TLK1: variants seen among roughly 807,000 people sequenced by gnomAD.
TLK1 encodes tousled like kinase 1.
A neutral mutation model predicts 105.3 loss-of-function variants in TLK1; 24 were observed. The ratio of observed to expected loss-of-function variants is 0.23; its 90% confidence interval spans 0.17 to 0.32. The LOEUF is 0.32. Ranked by LOEUF, TLK1 falls within the 10% of genes least tolerant of loss-of-function variation. The pLI, the probability that TLK1 is intolerant of heterozygous loss-of-function variation, is 1.00. For synonymous variants in TLK1, 321 were observed against 310.4 expected (o/e 1.03, Z -0.36); for missense variants, 558 against 910.5 (o/e 0.61, Z 4.98).
chr2:171,110,449 C>A (rs114903381), intron 2 of TLK1, among the ~76,000 whole-genome samples: 4,084 of 152,224 alleles, frequency 0.027, 178 homozygotes, highest in African/African-American at 0.091. Context: ...AGTTGGGCGA[C>A]AGAGCAAGAC....
chr2:171,105,220 C>A (rs1689866865), intron 2 of TLK1, among the ~76,000 whole-genome samples: 1 of 152,124 alleles, frequency 6.6e-6, no homozygotes, highest in Admixed American at 6.5e-5. Context: ...ATACAACCTG[C>A]AAGAAAGTGA....
intron 11 of TLK1, among the ~76,000 whole-genome samples, chr2:171,032,919 T>C (rs1209806322): frequency 6.6e-6 from 1 of 151,928 alleles, no homozygotes; most frequent in Non-Finnish European, 1.5e-5. Context: ...TAGAAGACAA[T>C]ACAGGAGGCT....
At chr2:171,053,650 T>A in intron 8 of TLK1, 111 bp downstream of exon 8, 1 of 814,652 alleles carries the variant, frequency 1.2e-6, no homozygotes, top group Non-Finnish European at 1.9e-6. Flanking sequence ...CATGAGCCAC[T>A]GCGCCTGGCC....
rs56686274 is a variant in TLK1, at chr2:171,184,834, G to GTTTC, written c.-6+46310_-6+46311insGAAA. Among the ~76,000 whole-genome samples, 414 of 143,888 alleles carry GTTTC rather than the reference G, an allele frequency of 2.9e-3. 4 individuals are homozygous for GTTTC. Among genetic ancestry groups the GTTTC allele is most frequent in the African/African-American group, 0.011 (399 of 37,190 alleles). 94.4% of individuals were successfully genotyped at this position (143,888 alleles called of 152,430 possible). A position where few individuals can be genotyped will look rare whatever the true frequency, so the allele number is the denominator to read the frequency against. ...TCTCTTTTCACCATTTATAATTATG[G>GTTTC]TTGTTTGTTTGTTTGTTTGTTTGAG... On this transcript the variant is annotated intron_variant, in intron 1 of 20. Coordinates refer to the TLK1 transcript ENST00000521943.
chr2:171,156,180 G>A (rs1692225079), intron 1 of TLK1, among the ~76,000 whole-genome samples: 1 of 152,148 alleles, frequency 6.6e-6, no homozygotes, highest in Admixed American at 6.5e-5. Flanking sequence ...TCTACATGAA[G>A]CTGGATTCTC....
In TLK1 at chr2:171,113,271, CCTT is replaced by C. The variant is rs1690261872; in HGVS notation, c.258+4465_258+4467del. Among the ~76,000 whole-genome samples the C allele has an allele frequency of 7.3e-5, 11 of 150,978 alleles. No homozygotes were observed. The South Asian group carries it at 2.3e-3, about 32-fold the overall frequency. The stretch of plus-strand genomic sequence containing the variant: ...ATATACATGGCAACCACATACATAT[CCTT>C]TTTTTTTTTTTTTGAGACAGTGTCT... On this transcript the variant is annotated intron_variant, in intron 2 of 20. Coordinates refer to ENST00000431350, the MANE Select transcript of TLK1 (RefSeq NM_012290.5).
intron 1 of TLK1, among the ~76,000 whole-genome samples, chr2:171,221,168 C>T (rs1693803731): frequency 6.6e-6 from 1 of 152,152 alleles, no homozygotes; most frequent in African/African-American, 2.4e-5. Context: ...TCATAGTTAT[C>T]CTTTATTTTC....
intron 1 of TLK1, among the ~76,000 whole-genome samples, chr2:171,135,631 T>C (rs1691286053): frequency 6.6e-6 from 1 of 151,890 alleles, no homozygotes; most frequent in South Asian, 2.1e-4. Flanking sequence ...TAAAACCCCA[T>C]CTCTACTAAA....
rs117167469 is a variant in TLK1, at chr2:171,095,645, T to C, written c.259-12793A>G. ...AGGATCATCATACACCAAGATCAAC[T>C]GAAACTTATTCCTGAAATGCAAGGG... On this transcript the variant is annotated intron_variant, in intron 2 of 20. Transcript: ENST00000431350. 5.8e-4 allele frequency among the ~76,000 whole-genome samples: 89 copies of C among 152,252 alleles called. 2 individuals are homozygous for C. The East Asian group carries it at 0.011, about 18-fold the overall frequency.
At chr2:171,215,989 G>A (rs1693706585) in intron 1 of TLK1, among the ~76,000 whole-genome samples, 1 of 152,100 alleles carries the variant, frequency 6.6e-6, no homozygotes. Context: ...TTGTTCTAAG[G>A]ACTTTCCTGG....
chr2:171,004,973 A>G (rs1684578490), intron 18 of TLK1, among the ~76,000 whole-genome samples: 1 of 152,266 alleles, frequency 6.6e-6, no homozygotes, highest in Non-Finnish European at 1.5e-5. Flanking sequence ...ATACATGAAT[A>G]TGACTAATCC....
At chr2:171,187,379 G>A (rs192764064) in intron 1 of TLK1, among the ~76,000 whole-genome samples, 15 of 152,224 alleles carry the variant, frequency 9.9e-5, no homozygotes, top group Admixed American at 9.8e-4. Context: ...TGATAACTCA[G>A]GTGACTCCCA....
In TLK1 at chr2:171,013,318, C is replaced by CTTTTTTT. The variant is rs774923512; in HGVS notation, c.1334+1526_1334+1532dup. On this transcript the variant is annotated intron_variant, in intron 13 of 20. Coordinates refer to ENST00000431350, the MANE Select transcript of TLK1 (RefSeq NM_012290.5). The stretch of plus-strand genomic sequence containing the variant: ...ATGAGCTACCACACCTGGCCCCTCA[C>CTTTTTTT]TTTTTTTTTTTTTTTTTTTTTTTTT... Among the ~76,000 whole-genome samples, 22 of 74,152 alleles carry CTTTTTTT rather than the reference C, an allele frequency of 3.0e-4. 1 individual carries two copies. Among genetic ancestry groups the CTTTTTTT allele is most frequent in the African/African-American group, 1.2e-3 (21 of 18,252 alleles). The allele number at this position is 74,152 out of a possible 152,430, so 48.6% of individuals were successfully genotyped here. A position where few individuals can be genotyped will look rare whatever the true frequency, so the allele number is the denominator to read the frequency against.
chr2:171,086,277 AG>A (rs1310250122), intron 2 of TLK1, among the ~76,000 whole-genome samples: 1 of 152,244 alleles, frequency 6.6e-6, no homozygotes, highest in Non-Finnish European at 1.5e-5. Flanking sequence ...GATTTAAAAA[AG>A]CCACTACCTG....
chr2:171,016,261 C>T (rs932516760), intron 12 of TLK1, among the ~76,000 whole-genome samples: 1 of 152,150 alleles, frequency 6.6e-6, no homozygotes, highest in Admixed American at 6.5e-5. Flanking sequence ...CCTGCCTCAG[C>T]CTTCCCAGTA....
chr2:170,994,847 C>T, intron 20 of TLK1: 1 of 366,192 alleles, frequency 2.7e-6, no homozygotes, highest in South Asian at 2.2e-5. Flanking sequence ...GAGGTTCATC[C>T]TTTTTTGGGG....
At chr2:171,076,375 T>A (rs907678866) in intron 3 of TLK1, among the ~76,000 whole-genome samples, 7 of 152,036 alleles carry the variant, frequency 4.6e-5, no homozygotes, top group Non-Finnish European at 8.8e-5. Context: ...CTGCCTTCCA[T>A]CTTCTACCAC....
chr2:171,081,830 C>CAGAGCTAAAAA, intron 3 of TLK1: 1 of 594,260 alleles, frequency 1.7e-6, no homozygotes, highest in Non-Finnish European at 2.7e-6. Flanking sequence ...TTCAATAACA[C>CAGAGCTAAAAA]AGAGCTAAAA....
chr2:171,212,732 G>C (rs537325165), intron 1 of TLK1, among the ~76,000 whole-genome samples: 1 of 152,110 alleles, frequency 6.6e-6, no homozygotes, highest in Non-Finnish European at 1.5e-5. Context: ...TGCCTACTTA[G>C]TGATGAGAGC....
Sources: gnomAD v4.1 joint callset for allele counts (sites outside exome capture counted in the v4.1 genomes callset) on GRCh38, gnomAD v4.1.1 for gene constraint, MANE v1.5 for transcripts, NCBI Gene and HGNC (gene_info 2026-07-23, HGNC 2026-07-21) for gene names.